Variants in TBX15 observed in about 807,000 individuals in gnomAD.
The protein encoded by TBX15 is T-box transcription factor TBX15.
TBX15 carries 18 observed loss-of-function variants against 53.9 expected under a neutral mutation model. The observed-to-expected ratio is 0.33, with a 90% CI of 0.23 to 0.49. The LOEUF is 0.49. Ranked by LOEUF, TBX15 falls within the 20% of genes least tolerant of loss-of-function variation. TBX15 has a pLI of 0.98. For synonymous variants in TBX15, 295 were observed against 278.0 expected (o/e 1.06, Z -0.61); for missense variants, 692 against 749.5 (o/e 0.92, Z 0.90).
At position 118,884,670 on chromosome 1, in the gene TBX15, A is replaced by C. The variant is rs565063152; in HGVS notation, c.*62T>G. 6.3e-7 allele frequency: 1 copy of C among 1,578,806 alleles called. No individual in the cohort carries two copies. The highest frequency in any genetic ancestry group is 8.7e-7 in the Non-Finnish European group (1 of 1,151,706). ...AGACACTGGACTCCCAAAGAGGAGG[A>C]TCTGACCACGGAGACTCTGGGGCCT... On this transcript the variant is annotated 3_prime_UTR_variant, in exon 8 of 8. Coordinates refer to ENST00000369429, the MANE Select transcript of TBX15 (RefSeq NM_001330677.2).
intron 1 of TBX15, among the ~76,000 whole-genome samples, chr1:118,965,315 G>GA (rs1286577830): frequency 1.3e-5 from 2 of 152,162 alleles, no homozygotes; most frequent in Non-Finnish European, 2.9e-5. Context: ...TCTGTATCTG[G>GA]AAAAAATGGA....
chr1:118,917,005 G>C (rs1045917719), intron 5 of TBX15, among the ~76,000 whole-genome samples: 2 of 152,236 alleles, frequency 1.3e-5, no homozygotes, highest in Non-Finnish European at 2.9e-5. Flanking sequence ...GTGGAAGACA[G>C]TGCAGGGATT....
intron 5 of TBX15, among the ~76,000 whole-genome samples, chr1:118,920,930 T>A (rs4659127): frequency 6.6e-6 from 1 of 151,928 alleles, no homozygotes; most frequent in African/African-American, 2.4e-5. Context: ...ACCCCAACAC[T>A]TTGGGAGGCC....
chr1:118,971,405 T>C (rs1657232163), intron 1 of TBX15, among the ~76,000 whole-genome samples: 1 of 152,148 alleles, frequency 6.6e-6, no homozygotes, highest in South Asian at 2.1e-4. Flanking sequence ...ATCTGTAAAG[T>C]GGCTGTAGTG....
At chr1:118,943,829 G>A (rs1315436472) in intron 1 of TBX15, among the ~76,000 whole-genome samples, 3 of 152,128 alleles carry the variant, frequency 2.0e-5, no homozygotes, top group South Asian at 2.1e-4. Flanking sequence ...CAGGGAGCAC[G>A]AGCAGGAGGC....
At chr1:118,926,382 T>C in intron 3 of TBX15, 128 bp downstream of exon 3, 1 of 865,048 alleles carries the variant, frequency 1.2e-6, no homozygotes, top group Non-Finnish European at 1.9e-6. Flanking sequence ...CCACAGGCCA[T>C]TGACATAGTC....
intron 7 of TBX15, among the ~76,000 whole-genome samples, chr1:118,892,439 A>T (rs753301534): frequency 1.6e-4 from 25 of 152,326 alleles, no homozygotes; most frequent in Non-Finnish European, 2.8e-4. Context: ...AATTTCAAAA[A>T]CCAATTACAA....
At chr1:118,969,843 A>G (rs2101696914) in intron 1 of TBX15, among the ~76,000 whole-genome samples, 1 of 152,370 alleles carries the variant, frequency 6.6e-6, no homozygotes, top group East Asian at 1.9e-4. Context: ...AGCTCAAGGC[A>G]TCCATTCACC....
chr1:118,922,410 G>A (rs944425432), intron 5 of TBX15, among the ~76,000 whole-genome samples: 1 of 152,084 alleles, frequency 6.6e-6, no homozygotes, highest in Non-Finnish European at 1.5e-5. Flanking sequence ...ACCCAGCCAC[G>A]GAGCAATGTA....
At chr1:118,933,909 G>A (rs551695372) in intron 1 of TBX15, among the ~76,000 whole-genome samples, 1 of 152,270 alleles carries the variant, frequency 6.6e-6, no homozygotes, top group African/African-American at 2.4e-5. Flanking sequence ...GACACCTTAA[G>A]TAGGACCCAA....
In TBX15 at chr1:118,884,605, G is replaced by GAAA. The variant is rs536044359; in HGVS notation, c.*124_*126dup. 7,675 of 758,864 alleles carry GAAA rather than the reference G, an allele frequency of 0.01. 1 individual carries two copies. The highest frequency in any genetic ancestry group is 0.011 in the Non-Finnish European group (5,924 of 525,014). 47.0% of individuals were successfully genotyped at this position (758,864 alleles called of 1,614,324 possible). The stretch of plus-strand genomic sequence containing the variant: ...GTTCTTGGGTATATGTCTTCGGCCA[G>GAAA]AAAAAAAAAAAAAAAAAAAACACGG... On this transcript the variant is annotated 3_prime_UTR_variant, in exon 8 of 8. Transcript: ENST00000369429.
chr1:118,926,874 TTGTGTGTGTGTGTG>T (rs34081549), intron 2 of TBX15, among the ~76,000 whole-genome samples: 150 of 148,972 alleles, frequency 1.0e-3, no homozygotes, highest in Non-Finnish European at 1.8e-3. Context: ...CCCAGCTAAT[TTGTGTGTGTGTGTG>T]TGTGTGTGTG....
At chr1:118,909,564 T>G (rs1654958460) in intron 6 of TBX15, among the ~76,000 whole-genome samples, 1 of 151,938 alleles carries the variant, frequency 6.6e-6, no homozygotes, top group African/African-American at 2.4e-5. Flanking sequence ...TTGTTGTTGT[T>G]GTTGTTGTTT....
intron 2 of TBX15, among the ~76,000 whole-genome samples, chr1:118,930,551 G>C (rs911390301): frequency 6.6e-6 from 1 of 152,120 alleles, no homozygotes; most frequent in Admixed American, 6.5e-5. Flanking sequence ...AAGTGGCAGG[G>C]ATTACAGGCA....
chr1:118,959,697 G>A (rs1355537863), intron 1 of TBX15, among the ~76,000 whole-genome samples: 1 of 152,196 alleles, frequency 6.6e-6, no homozygotes, highest in Non-Finnish European at 1.5e-5. Context: ...AATAGTGAAT[G>A]AACTCAGTTC....
chr1:118,919,277 T>A (rs1162224221), intron 5 of TBX15, among the ~76,000 whole-genome samples: 1 of 152,216 alleles, frequency 6.6e-6, no homozygotes, highest in Non-Finnish European at 1.5e-5. Context: ...GCTAATTCTG[T>A]GAGGATATGT....
At position 118,884,884 on chromosome 1, in the gene TBX15, C is replaced by T; in HGVS notation, c.1657G>A (p.Gly553Arg). 2.5e-6 allele frequency: 4 copies of T among 1,614,230 alleles called. No individual in the cohort carries two copies. The highest frequency in any genetic ancestry group is 1.3e-5 in the African/African-American group (1 of 75,058). Residue 553 changes from glycine (G) to arginine (R), a missense_variant, in exon 8 of 8, where the codon GGA (glycine) becomes AGA (arginine). Coordinates refer to ENST00000369429, the MANE Select transcript of TBX15 (RefSeq NM_001330677.2). The stretch of plus-strand genomic sequence containing the variant: ...CCTGACGGCAGGTACTGCCTCTCTC[C>T]AAAGGCCCCGTTGGAAGGAGAAGAA... ...LCSSPSNGAF[G>R]ERQYLPSGME...
intron 5 of TBX15, among the ~76,000 whole-genome samples, chr1:118,922,065 G>A (rs1311121723): frequency 6.6e-6 from 1 of 152,194 alleles, no homozygotes; most frequent in Admixed American, 6.5e-5. Context: ...AGAAGGTACT[G>A]TATTATATTA....
intron 6 of TBX15, among the ~76,000 whole-genome samples, chr1:118,908,371 CA>C (rs1257333242): frequency 1.8e-5 from 2 of 113,618 alleles, no homozygotes; most frequent in Non-Finnish European, 3.6e-5. Flanking sequence ...ACACAGAGCA[CA>C]AGACCAAAAA....
Sources: gnomAD v4.1 joint callset for allele counts (sites outside exome capture counted in the v4.1 genomes callset) on GRCh38, gnomAD v4.1.1 for gene constraint, MANE v1.5 for transcripts, NCBI Gene and HGNC (gene_info 2026-07-23, HGNC 2026-07-21) for gene names.